The following IL1RAPL1 variants were observed in gnomAD, a reference collection of about 807,000 sequenced individuals.
IL1RAPL1 encodes interleukin-1 receptor accessory protein-like 1.
A neutral mutation model predicts 48.4 loss-of-function variants in IL1RAPL1; 3 were observed. The ratio of observed to expected loss-of-function variants is 0.06; its 90% confidence interval spans 0.03 to 0.16. IL1RAPL1 has a LOEUF of 0.16. IL1RAPL1 is among the 10% of genes least tolerant of loss of function. The probability of loss-of-function intolerance (pLI) is 1.00; values close to 1 mark genes in which losing one functional copy is unlikely to be tolerated. For missense variants in IL1RAPL1, 349 were observed against 530.6 expected, an observed-to-expected ratio of 0.66 and a Z score of 3.36; for synonymous variants, 185 against 187.7, an observed-to-expected ratio of 0.99 and a Z score of 0.12.
intron 2 of IL1RAPL1, among the ~76,000 whole-genome samples, chrX:29,051,900 G>A (rs1184543963): frequency 9.0e-6 from 1 of 111,687 alleles, no homozygotes; most frequent in African/African-American, 3.3e-5. Context: ...CTGTATTTTC[G>A]GCTCTCTTTT....
chrX:29,508,058 G>T (rs925292629), intron 5 of IL1RAPL1, among the ~76,000 whole-genome samples: 5 of 111,199 alleles, frequency 4.5e-5, no homozygotes, highest in South Asian at 3.7e-4. Context: ...AACAATTTTG[G>T]TGGCAAATCT....
intron 6 of IL1RAPL1, among the ~76,000 whole-genome samples, chrX:29,898,163 T>A (rs759182768): frequency 2.4e-4 from 27 of 112,150 alleles, no homozygotes; most frequent in South Asian, 1.5e-3. Context: ...TAAACAGTGA[T>A]ATAAAAAATA....
intron 3 of IL1RAPL1, among the ~76,000 whole-genome samples, chrX:29,335,926 T>C (rs933322881): frequency 9.0e-6 from 1 of 110,515 alleles, no homozygotes; most frequent in Non-Finnish European, 1.9e-5. Flanking sequence ...CTTGATTGTG[T>C]TGTATTTAAA....
At chrX:29,621,414 T>C in intron 5 of IL1RAPL1, among the ~76,000 whole-genome samples, 1 of 111,252 alleles carries the variant, frequency 9.0e-6, no homozygotes, top group East Asian at 2.8e-4. Flanking sequence ...ATTTGTGTAA[T>C]TGGATATATA....
At chrX:28,962,874 C>G (rs868864315) in intron 2 of IL1RAPL1, among the ~76,000 whole-genome samples, 2 of 93,085 alleles carry the variant, frequency 2.1e-5, no homozygotes, top group Non-Finnish European at 4.2e-5. Context: ...GATTGTGTGT[C>G]TGTGTGTATG....
rs186015856 is a variant in IL1RAPL1, at chrX:29,799,577, T to G, written c.779-117887T>G. On this transcript the variant is annotated intron_variant, in intron 6 of 10. Coordinates refer to ENST00000378993, the MANE Select transcript of IL1RAPL1 (RefSeq NM_014271.4). ...CTAAGAGCATAATACATTTAGAAAA[T>G]GTGGATAGTTAAGTTTAAATTTAAA... 4.2e-3 allele frequency among the ~76,000 whole-genome samples: 472 copies of G among 112,343 alleles called. 2 individuals carry two copies. The highest frequency in any genetic ancestry group is 0.014 in the African/African-American group (442 of 31,001).
intron 6 of IL1RAPL1, among the ~76,000 whole-genome samples, chrX:29,680,290 G>A (rs1047684256): frequency 2.7e-5 from 3 of 111,605 alleles, no homozygotes; most frequent in Non-Finnish European, 5.6e-5. Context: ...GGGTCTGGGT[G>A]AGTAGAGGAG....
intron 1 of IL1RAPL1, among the ~76,000 whole-genome samples, chrX:28,766,621 A>T (rs1041112605): frequency 9.0e-6 from 1 of 110,692 alleles, no homozygotes; most frequent in African/African-American, 3.3e-5. Context: ...GTGCTATCAC[A>T]TAGTGGTCTT....
chrX:28,599,436 A>C (rs1933995691), intron 1 of IL1RAPL1, among the ~76,000 whole-genome samples: 1 of 110,032 alleles, frequency 9.1e-6, no homozygotes. Flanking sequence ...ACTTTCAAGT[A>C]ATAAGTCATT....
At chrX:28,992,489 C>CAAA (rs1246127181) in intron 2 of IL1RAPL1, among the ~76,000 whole-genome samples, 1 of 16,384 alleles carries the variant, frequency 6.1e-5, no homozygotes, top group Non-Finnish European at 1.2e-4. Context: ...GACTCTGTCT[C>CAAA]AAAAAAAAAA....
At chrX:29,692,942 A>G (rs1926811257) in intron 6 of IL1RAPL1, among the ~76,000 whole-genome samples, 1 of 111,863 alleles carries the variant, frequency 8.9e-6, no homozygotes, top group Non-Finnish European at 1.9e-5. Flanking sequence ...GGTCAGATTC[A>G]CAGAGAATAG....
chrX:28,646,292 A>C (rs197012), intron 1 of IL1RAPL1, among the ~76,000 whole-genome samples: 44,349 of 110,808 alleles, frequency 0.4, 6,611 homozygotes, highest in South Asian at 0.55. Flanking sequence ...ATGATCTGAC[A>C]GTAGGCGGAG....
chrX:28,872,127 C>T (rs1389912223), intron 2 of IL1RAPL1, among the ~76,000 whole-genome samples: 1 of 111,351 alleles, frequency 9.0e-6, no homozygotes, highest in Non-Finnish European at 1.9e-5. Flanking sequence ...CCTGCCTCAG[C>T]CTCCTGATTA....
chrX:29,244,347 C>G (rs751715823), intron 2 of IL1RAPL1, among the ~76,000 whole-genome samples: 1 of 112,166 alleles, frequency 8.9e-6, no homozygotes, highest in South Asian at 3.7e-4. Flanking sequence ...TCTCAAAGCA[C>G]TTGAACAAAG....
At chrX:28,852,570 C>G (rs753331221) in intron 2 of IL1RAPL1, among the ~76,000 whole-genome samples, 1 of 111,696 alleles carries the variant, frequency 9.0e-6, no homozygotes, top group African/African-American at 3.2e-5. Context: ...TTATCCCACT[C>G]TACATTTTCT....
chrX:28,892,005 T>G lies in IL1RAPL1; in HGVS notation c.82+102580T>G, dbSNP rs531455610. Among the ~76,000 whole-genome samples, 64 of 111,937 alleles carry G rather than the reference T, an allele frequency of 5.7e-4. No individual in the cohort carries two copies. The South Asian group carries it at 0.019, about 32-fold the overall frequency. On this transcript the variant is annotated intron_variant, in intron 2 of 10. Coordinates refer to ENST00000378993, the MANE Select transcript of IL1RAPL1 (RefSeq NM_014271.4). ...CATATTTTCATATACCTATTGGATATTCATATATCTTCTGTGGAGATATAA... is the reference window on the plus strand; with the variant it reads ...CATATTTTCATATACCTATTGGATAGTCATATATCTTCTGTGGAGATATAA...
At chrX:29,103,596 G>T (rs1928389576) in intron 2 of IL1RAPL1, among the ~76,000 whole-genome samples, 1 of 110,302 alleles carries the variant, frequency 9.1e-6, no homozygotes, top group African/African-American at 3.4e-5. Flanking sequence ...ACAAGCACAG[G>T]CAACCAAAGC....
chrX:29,078,485 C>T (rs910333990), intron 2 of IL1RAPL1, among the ~76,000 whole-genome samples: 6 of 111,521 alleles, frequency 5.4e-5, no homozygotes, highest in African/African-American at 2.0e-4. Flanking sequence ...TTTGGTTACC[C>T]AGAAAAAAAT....
intron 3 of IL1RAPL1, among the ~76,000 whole-genome samples, chrX:29,290,136 A>G (rs1932348201): frequency 8.9e-6 from 1 of 112,113 alleles, no homozygotes. Context: ...TTTTACTTTC[A>G]AGTAGTTTAC....
Sources: gnomAD v4.1 joint callset for allele counts (sites outside exome capture counted in the v4.1 genomes callset) on GRCh38, gnomAD v4.1.1 for gene constraint, MANE v1.5 for transcripts, NCBI Gene and HGNC (gene_info 2026-07-23, HGNC 2026-07-21) for gene names.